Variants in NIBAN1 observed in about 807,000 individuals in gnomAD.
NIBAN1 encodes protein Niban 1.
NIBAN1 carries 81 observed loss-of-function variants against 75.1 expected under a neutral mutation model. That is an observed-to-expected ratio of 1.08 (90% confidence interval 0.90 to 1.30). The LOEUF (loss-of-function observed/expected upper bound fraction) is 1.30. Among genes scored for constraint, NIBAN1 ranks in the 50% most tolerant of loss-of-function variants. NIBAN1 has a pLI of 0.00. For synonymous variants in NIBAN1, 436 were observed against 424.8 expected, an observed-to-expected ratio of 1.03 and a Z score of -0.32; for missense variants, 1,133 against 1,128.1, an observed-to-expected ratio of 1.00 and a Z score of -0.06.
intron 13 of NIBAN1, among the ~76,000 whole-genome samples, chr1:184,797,390 T>C (rs1477845572): frequency 6.6e-6 from 1 of 151,914 alleles, no homozygotes; most frequent in Non-Finnish European, 1.5e-5. Flanking sequence ...GATCTGCCCA[T>C]CTTGGTCTCC....
At chr1:184,884,215 C>CTTTTTT (rs11334000) in intron 5 of NIBAN1, among the ~76,000 whole-genome samples, 2 of 66,798 alleles carry the variant, frequency 3.0e-5, no homozygotes, top group African/African-American at 7.3e-5. Flanking sequence ...ATCTGTGGCT[C>CTTTTTT]TTTTTTTTTT....
chr1:184,904,250 C>T (rs552563967), intron 1 of NIBAN1, among the ~76,000 whole-genome samples: 3 of 151,744 alleles, frequency 2.0e-5, no homozygotes, highest in Middle Eastern at 3.4e-3. Flanking sequence ...AGGCTGGTTT[C>T]GAATCCCTAG....
chr1:184,927,175 T>C (rs1657704835), intron 1 of NIBAN1, among the ~76,000 whole-genome samples: 1 of 152,154 alleles, frequency 6.6e-6, no homozygotes, highest in Admixed American at 6.5e-5. Context: ...CTTACTTAGC[T>C]TTGGTGAGGT....
chr1:184,839,025 A>C (rs1169038169), intron 5 of NIBAN1, among the ~76,000 whole-genome samples: 4 of 152,180 alleles, frequency 2.6e-5, no homozygotes, highest in Non-Finnish European at 5.9e-5. Flanking sequence ...GTTTCTTTCT[A>C]GAACAAAGAA....
rs145314330 is a variant in NIBAN1, at chr1:184,862,971, G to A, written c.601+21662C>T. 1.8e-3 allele frequency among the ~76,000 whole-genome samples: 267 copies of A among 152,076 alleles called. 2 individuals carry two copies. Among genetic ancestry groups the A allele is most frequent in the African/African-American group, 6.3e-3 (261 of 41,488 alleles). ...ATTAAGCCCAGTATCTGGTATTTATGTTTTCTGATCCTCTCCTTTTTCCCA... is the reference window on the plus strand; with the variant it reads ...ATTAAGCCCAGTATCTGGTATTTATATTTTCTGATCCTCTCCTTTTTCCCA... On this transcript the variant is annotated intron_variant, in intron 5 of 13. Coordinates refer to ENST00000367511, the MANE Select transcript of NIBAN1 (RefSeq NM_052966.4).
chr1:184,929,324 T>A (rs1416912579), intron 1 of NIBAN1, among the ~76,000 whole-genome samples: 2 of 152,086 alleles, frequency 1.3e-5, no homozygotes, highest in African/African-American at 4.8e-5. Flanking sequence ...TACCACACAA[T>A]CATGAAATAA....
Position 184,834,126 on chromosome 1 carries a change from G to A in NIBAN1, c.602-2164C>T, listed in dbSNP as rs187937344. ...ATGCAGTGTTTGGTTTTCTGTCCTT[G>A]TGATAGTTTGCTCAGAATGACAGTT... On this transcript the variant is annotated intron_variant, in intron 5 of 13. Coordinates refer to ENST00000367511, the MANE Select transcript of NIBAN1 (RefSeq NM_052966.4). 2.0e-5 allele frequency among the ~76,000 whole-genome samples: 3 copies of A among 150,602 alleles called. No homozygotes were observed. The East Asian group carries it at 5.9e-4, about 30-fold the overall frequency.
chr1:184,834,230 T>G (rs1195219782), intron 5 of NIBAN1, among the ~76,000 whole-genome samples: 1 of 152,246 alleles, frequency 6.6e-6, no homozygotes, highest in Non-Finnish European at 1.5e-5. Flanking sequence ...GGTGTATATG[T>G]GCCACATTTT....
At chr1:184,803,865 G>A (rs1234807785) in intron 11 of NIBAN1, among the ~76,000 whole-genome samples, 173 bp from the exon 12 acceptor site, 2 of 152,208 alleles carry the variant, frequency 1.3e-5, no homozygotes, top group African/African-American at 4.8e-5. Context: ...TGCAGGCACA[G>A]GTTATAACTG....
chr1:184,916,699 CA>C lies in NIBAN1; in HGVS notation c.56-17391del, dbSNP rs1037624624. On this transcript the variant is annotated intron_variant, in intron 1 of 13. Coordinates refer to ENST00000367511, the MANE Select transcript of NIBAN1 (RefSeq NM_052966.4). ...AAGATATTTTATATTTATAATAAGACAAAAATAAATATTTTTGTTATTGAAG... is the reference window on the plus strand; with the variant it reads ...AAGATATTTTATATTTATAATAAGACAAAATAAATATTTTTGTTATTGAAG... Among the ~76,000 whole-genome samples, 9 of 151,910 alleles carry C rather than the reference CA, an allele frequency of 5.9e-5. No homozygotes were observed. The South Asian group carries it at 8.3e-4, about 14-fold the overall frequency.
rs747797655 is a variant in NIBAN1, at chr1:184,823,274, G to C, written c.878C>G (p.Ala293Gly). 9 of 1,614,118 alleles carry C rather than the reference G, an allele frequency of 5.6e-6. No individual in the cohort carries two copies. The highest frequency in any genetic ancestry group is 7.6e-6 in the Non-Finnish European group (9 of 1,180,026). Residue 293 changes from alanine (A) to glycine (G), a missense_variant, in exon 8 of 14, where the codon GCC (alanine) becomes GGC (glycine). Transcript: ENST00000367511. Reference protein sequence around the residue: ...VQHQVSEGLSALKEECRALTK... With the variant: ...VQHQVSEGLSGLKEECRALTK... ...CAGAGCTCTGCATTCCTCCTTCAAG[G>C]CACTTAATCCTTCTGAAACTTGATG... is the stretch of plus-strand genomic sequence containing the variant.
At chr1:184,910,761 G>A (rs1428193024) in intron 1 of NIBAN1, among the ~76,000 whole-genome samples, 4 of 152,124 alleles carry the variant, frequency 2.6e-5, no homozygotes, top group Admixed American at 2.6e-4. Context: ...CTTTTGAACG[G>A]GTGGACTGAG....
chr1:184,910,171 A>T (rs10489585), intron 1 of NIBAN1, among the ~76,000 whole-genome samples: 7,743 of 152,166 alleles, frequency 0.051, 369 homozygotes, highest in Admixed American at 0.16. Flanking sequence ...CTAACTAGTC[A>T]TTATACGCAC....
intron 6 of NIBAN1, among the ~76,000 whole-genome samples, chr1:184,827,824 G>A (rs145153228): frequency 6.6e-6 from 1 of 151,972 alleles, no homozygotes; most frequent in African/African-American, 2.4e-5. Context: ...CAGGCTGCTG[G>A]TCCAGGCCCC....
intron 1 of NIBAN1, among the ~76,000 whole-genome samples, chr1:184,940,332 A>T (rs1458999912): frequency 6.6e-6 from 1 of 152,194 alleles, no homozygotes; most frequent in African/African-American, 2.4e-5. Flanking sequence ...TTAACAAATC[A>T]GTGATTGTAA....
At chr1:184,949,049 T>G (rs796228412) in intron 1 of NIBAN1, among the ~76,000 whole-genome samples, 3 of 152,334 alleles carry the variant, frequency 2.0e-5, no homozygotes, top group African/African-American at 2.4e-5. Flanking sequence ...CTTTTGGATT[T>G]GCTATACTCT....
Position 184,899,164 on chromosome 1 carries a change from A to C in NIBAN1, c.186+15T>G, listed in dbSNP as rs1656880272. 1 of 1,613,296 alleles carries C rather than the reference A, an allele frequency of 6.2e-7. No homozygotes were observed. Among genetic ancestry groups the C allele is most frequent in the Non-Finnish European group, 8.5e-7 (1 of 1,179,486 alleles). ...TCAAGGGGAAATACATGTAAACCAA[A>C]TATCCATGGCTTACCTTGGTCTTCA... On this transcript the variant is annotated intron_variant, in intron 2 of 13. Coordinates refer to ENST00000367511, the MANE Select transcript of NIBAN1 (RefSeq NM_052966.4).
chr1:184,835,476 C>A (rs1304461536), intron 5 of NIBAN1, among the ~76,000 whole-genome samples: 6 of 152,188 alleles, frequency 3.9e-5, no homozygotes, highest in African/African-American at 1.4e-4. Flanking sequence ...TATCTGTGAG[C>A]ATGGAATGTT....
intron 6 of NIBAN1, among the ~76,000 whole-genome samples, chr1:184,829,027 C>T (rs1034407517): frequency 2.6e-5 from 4 of 152,042 alleles, no homozygotes; most frequent in Non-Finnish European, 1.5e-5. Flanking sequence ...CTCGAACTCC[C>T]GGATTCAAGC....
Sources: allele counts gnomAD v4.1 joint callset (sites outside exome capture counted in the v4.1 genomes callset), GRCh38; gene constraint gnomAD v4.1.1; transcripts MANE v1.5; gene names NCBI Gene and HGNC (gene_info 2026-07-23, HGNC 2026-07-21).